HESX1: variants seen among roughly 807,000 people sequenced by gnomAD.
HESX1 encodes the protein homeobox expressed in ES cells 1.
HESX1 carries 11 observed loss-of-function variants against 22.5 expected under a neutral mutation model. The ratio of observed to expected loss-of-function variants is 0.49; its 90% CI spans 0.31 to 0.81. The LOEUF (loss-of-function observed/expected upper bound fraction) is 0.81. HESX1 is among the 30% of genes least tolerant of loss of function. HESX1 has a pLI of 0.05. For synonymous variants in HESX1, 74 were observed against 76.5 expected, an observed-to-expected ratio of 0.97 and a Z score of 0.17; for missense variants, 201 against 212.6, an observed-to-expected ratio of 0.95 and a Z score of 0.34.
chr3:57,198,238 G>T lies in HESX1; in HGVS notation c.517C>A (p.Leu173Ile), dbSNP rs760501622. 8.7e-6 allele frequency: 14 copies of T among 1,612,854 alleles called. No homozygotes were observed. Among genetic ancestry groups the T allele is most frequent in the Non-Finnish European group, 1.2e-5 (14 of 1,179,286 alleles). Residue 173 changes from leucine to isoleucine, a missense_variant, in exon 4 of 4, where the codon CTA becomes ATA. Transcript: ENST00000295934. ...LKRSHRESQF[L>I]MAKKNFNTNL... Reference sequence around the variant, plus strand: ...GTGTTGAAATTTTTTTTCGCCATTAGAAACTGTGATTCTCTATGGGACCTT... The same window carrying T: ...GTGTTGAAATTTTTTTTCGCCATTATAAACTGTGATTCTCTATGGGACCTT...
chr3:57,213,435 T>C (rs1224953116), intron 1 of HESX1, among the ~76,000 whole-genome samples: 1 of 152,170 alleles, frequency 6.6e-6, no homozygotes, highest in Non-Finnish European at 1.5e-5. Context: ...CTGAGCTAAA[T>C]TAGACTCAGG....
intron 1 of HESX1, among the ~76,000 whole-genome samples, chr3:57,207,877 C>CCACACCATGGCCA (rs1383742614): frequency 6.6e-6 from 1 of 152,142 alleles, no homozygotes; most frequent in Non-Finnish European, 1.5e-5. Flanking sequence ...GCGCCCTTTC[C>CCACACCATGGCCA]CACACCCTGG....
intron 1 of HESX1, among the ~76,000 whole-genome samples, chr3:57,210,420 G>A (rs910153533): frequency 1.3e-5 from 2 of 152,168 alleles, no homozygotes; most frequent in African/African-American, 4.8e-5. Context: ...TTTTGGCAGA[G>A]ATTTCTGTAA....
chr3:57,217,827 A>C (rs1277656935), intron 1 of HESX1, among the ~76,000 whole-genome samples: 4 of 151,972 alleles, frequency 2.6e-5, no homozygotes, highest in African/African-American at 4.8e-5. Context: ...TTGTTCCAAC[A>C]TCCGGCCACC....
At chr3:57,208,068 T>C (rs1431025196) in intron 1 of HESX1, among the ~76,000 whole-genome samples, 1 of 152,106 alleles carries the variant, frequency 6.6e-6, no homozygotes, top group African/African-American at 2.4e-5. Context: ...ATTAAAGTGA[T>C]TGTTTTGTTT....
intron 1 of HESX1, among the ~76,000 whole-genome samples, chr3:57,208,492 G>C (rs1234772642): frequency 6.6e-6 from 1 of 151,816 alleles, no homozygotes; most frequent in Admixed American, 6.6e-5. Flanking sequence ...GATTACAGGC[G>C]TGTGCTACCA....
intron 1 of HESX1, among the ~76,000 whole-genome samples, chr3:57,215,056 A>G (rs965320041): frequency 5.9e-5 from 9 of 152,214 alleles, no homozygotes; most frequent in African/African-American, 2.2e-4. Flanking sequence ...ACAGAATGTG[A>G]TAAATGATAA....
In HESX1 at chr3:57,220,246, G is replaced by A. The variant is rs1032782299; in HGVS notation, c.-111+6050C>T. On this transcript the variant is annotated intron_variant, in intron 1 of 2. Coordinates refer to the HESX1 transcript ENST00000495160. ...ATGCTGTTTTGGTTACTGTAGCCCT[G>A]TAGCAGAGCATGAAGTCATTTTTTA... Among the ~76,000 whole-genome samples, 4 of 152,124 alleles carry A rather than the reference G, an allele frequency of 2.6e-5. No individual in the cohort carries two copies. The East Asian group carries it at 7.7e-4, about 29-fold the overall frequency.
chr3:57,200,339 AC>A (rs1455849633), upstream of HESX1, among the ~76,000 whole-genome samples: 1 of 152,204 alleles, frequency 6.6e-6, no homozygotes, highest in Non-Finnish European at 1.5e-5. Context: ...AGTTACCTAA[AC>A]ATACAGGCAA....
chr3:57,199,975 G>A lies in HESX1; in HGVS notation c.-57C>T. 1.3e-6 allele frequency: 2 copies of A among 1,510,840 alleles called. No homozygotes were observed. Among genetic ancestry groups the A allele is most frequent in the East Asian group, 2.3e-5 (1 of 44,354 alleles). The allele number at this position is 1,510,840 out of a possible 1,614,324, so 93.6% of individuals were successfully genotyped here. On this transcript the variant is annotated 5_prime_UTR_variant, in exon 1 of 4. Coordinates refer to ENST00000295934, the MANE Select transcript of HESX1 (RefSeq NM_003865.3). Reference sequence around the variant, plus strand: ...GGCCTCTGCTGGCTCTGCCCCACGTGTATAGGGCTGGGATCTTCCTGCAGT... The same window carrying A: ...GGCCTCTGCTGGCTCTGCCCCACGTATATAGGGCTGGGATCTTCCTGCAGT...
upstream of HESX1, among the ~76,000 whole-genome samples, chr3:57,202,960 G>C (rs915806778): frequency 6.6e-6 from 1 of 152,188 alleles, no homozygotes; most frequent in Admixed American, 6.5e-5. Flanking sequence ...TGTTTGAGGA[G>C]GAAGAAGGCA....
At chr3:57,202,817 C>T (rs1022513798), upstream of HESX1, among the ~76,000 whole-genome samples, 3 of 152,028 alleles carry the variant, frequency 2.0e-5, no homozygotes, top group Admixed American at 6.6e-5. Context: ...GGTCGATGGT[C>T]GATGGTGGAG....
chr3:57,209,364 G>C lies in HESX1; in HGVS notation c.-110-9336C>G, dbSNP rs1380418467. 5.3e-5 allele frequency among the ~76,000 whole-genome samples: 8 copies of C among 152,230 alleles called. No homozygotes were observed. The East Asian group carries it at 1.5e-3, about 29-fold the overall frequency. Reference sequence around the variant, plus strand: ...AACAATACTGAAAATAGTGATGATAGGCCGGGCGCAGTGGCTCATGCCTGT... The same window carrying C: ...AACAATACTGAAAATAGTGATGATACGCCGGGCGCAGTGGCTCATGCCTGT... On this transcript the variant is annotated intron_variant, in intron 1 of 2. Coordinates refer to the HESX1 transcript ENST00000495160.
intron 1 of HESX1, among the ~76,000 whole-genome samples, chr3:57,224,172 C>T (rs996198945): frequency 1.3e-5 from 2 of 152,164 alleles, no homozygotes; most frequent in Admixed American, 6.5e-5. Context: ...TTTGCAGAGA[C>T]GGGGTTTCAC....
chr3:57,204,166 TTTTTC>T (rs1356560489), upstream of HESX1, among the ~76,000 whole-genome samples: 1 of 152,114 alleles, frequency 6.6e-6, no homozygotes, highest in Non-Finnish European at 1.5e-5. Context: ...CCACTGAAGT[TTTTTC>T]TTTTCTTTTT....
At chr3:57,201,793 C>T (rs373377271), upstream of HESX1, among the ~76,000 whole-genome samples, 20 of 151,928 alleles carry the variant, frequency 1.3e-4, no homozygotes, top group South Asian at 2.3e-3. Context: ...TCAACTTCTT[C>T]TTTATTAACA....
At chr3:57,202,910 T>C (rs955135415), upstream of HESX1, among the ~76,000 whole-genome samples, 1 of 152,140 alleles carries the variant, frequency 6.6e-6, no homozygotes, top group African/African-American at 2.4e-5. Flanking sequence ...TCAGAGACAA[T>C]GGCAAGTACA....
At chr3:57,203,859 C>T (rs946853764), upstream of HESX1, among the ~76,000 whole-genome samples, 1 of 151,574 alleles carries the variant, frequency 6.6e-6, no homozygotes, top group Non-Finnish European at 1.5e-5. Context: ...TCAGTAGAGA[C>T]GGGGTTTCAC....
chr3:57,202,330 T>C (rs1354002886), upstream of HESX1, among the ~76,000 whole-genome samples: 2 of 151,830 alleles, frequency 1.3e-5, no homozygotes, highest in Non-Finnish European at 2.9e-5. Flanking sequence ...CAACAGATTT[T>C]TGTTTGTTTG....
Sources: allele counts gnomAD v4.1 joint callset (sites outside exome capture counted in the v4.1 genomes callset), GRCh38; gene constraint gnomAD v4.1.1; transcripts MANE v1.5; gene names NCBI Gene and HGNC (gene_info 2026-07-23, HGNC 2026-07-21).